DPP6: variants seen among roughly 807,000 people sequenced by gnomAD.
DPP6 encodes dipeptidyl peptidase like 6, also known as A-type potassium channel modulatory protein DPP6.
A neutral mutation model predicts 122.6 loss-of-function variants in DPP6; 69 were observed. The observed-to-expected ratio is 0.56, with a 90% CI of 0.46 to 0.69. The LOEUF (loss-of-function observed/expected upper bound fraction) is 0.69, where lower values mean the gene tolerates loss of function less well. Among genes scored for constraint, DPP6 ranks in the 30% least tolerant of loss-of-function variants. The probability of loss-of-function intolerance (pLI) is 0.00; values close to 1 mark genes in which losing one functional copy is unlikely to be tolerated. For synonymous variants in DPP6, 418 were observed against 433.1 expected (o/e 0.97, Z 0.43); for missense variants, 928 against 1,116.9 (o/e 0.83, Z 2.41).
At chr7:153,874,252 GCACACA>G in the DPP6 span, among the ~76,000 whole-genome samples, 17 of 150,090 alleles carry the variant, frequency 1.1e-4, no homozygotes, top group Admixed American at 2.0e-4. Context: ...GTGCGCACAT[GCACACA>G]CACACACACA....
At chr7:154,557,498 A>G (rs546859904) in intron 4 of DPP6, among the ~76,000 whole-genome samples, 1 of 152,314 alleles carries the variant, frequency 6.6e-6, no homozygotes, top group South Asian at 2.1e-4. Flanking sequence ...GAGCATCTCT[A>G]TTATAACCCA....
intron 10 of DPP6, among the ~76,000 whole-genome samples, chr7:154,792,428 G>T (rs1334222977): frequency 6.6e-6 from 1 of 152,280 alleles, no homozygotes; most frequent in Non-Finnish European, 1.5e-5. Flanking sequence ...CAGAGACGTT[G>T]AATTATATTT....
At chr7:154,482,560 G>A (rs908567374) in intron 3 of DPP6, among the ~76,000 whole-genome samples, 1 of 152,062 alleles carries the variant, frequency 6.6e-6, no homozygotes, top group Non-Finnish European at 1.5e-5. Context: ...AATTTTCATA[G>A]CTCTCCTTCC....
chr7:154,177,611 C>T (rs1456475799), intron 1 of DPP6, among the ~76,000 whole-genome samples: 3 of 152,156 alleles, frequency 2.0e-5, no homozygotes, highest in Non-Finnish European at 4.4e-5. Context: ...GTGATGCTAA[C>T]GATGTCCCCC....
chr7:153,947,613 G>C (rs1802009503), intron 1 of DPP6, among the ~76,000 whole-genome samples: 1 of 152,214 alleles, frequency 6.6e-6, no homozygotes, highest in African/African-American at 2.4e-5. Flanking sequence ...GGACAGTGGG[G>C]ACCCGAAGAG....
Position 154,282,567 on chromosome 7 carries a change from G to A in DPP6, c.244-163647G>A, listed in dbSNP as rs1049858819. On this transcript the variant is annotated intron_variant, in intron 1 of 25. Coordinates refer to ENST00000377770, the MANE Select transcript of DPP6 (RefSeq NM_130797.4). The surrounding 1 kb of genome is among the most constrained non-coding windows in gnomAD (Gnocchi z 4.8). ...TTAGACTCAATGGTGGGAAGGGGAT[G>A]GGATGCAGCCCAGGGCCTCCCTGCC... Among the ~76,000 whole-genome samples, 4 of 152,144 alleles carry A rather than the reference G, an allele frequency of 2.6e-5. No individual in the cohort carries two copies. Among genetic ancestry groups the A allele is most frequent in the Non-Finnish European group, 5.9e-5 (4 of 68,028 alleles).
At chr7:154,857,733 C>T (rs1056864781) in intron 17 of DPP6, among the ~76,000 whole-genome samples, 2 of 152,142 alleles carry the variant, frequency 1.3e-5, no homozygotes, top group African/African-American at 2.4e-5. Flanking sequence ...AGAGCCTCCT[C>T]GTGGCCTCTG....
intron 4 of DPP6, among the ~76,000 whole-genome samples, chr7:154,544,007 A>T (rs796419762): frequency 6.8e-6 from 1 of 147,118 alleles, no homozygotes; most frequent in African/African-American, 2.6e-5. Flanking sequence ...AAAAAAAAAA[A>T]AAAAAAGAGT....
At chr7:154,883,826 T>C (rs1156904361) in intron 21 of DPP6, 1 of 127,722 alleles carries the variant, frequency 7.8e-6, no homozygotes. Context: ...CACAATTACA[T>C]ACACCTGCTC....
chr7:154,184,799 T>C (rs1183808762), intron 1 of DPP6, among the ~76,000 whole-genome samples: 2 of 152,074 alleles, frequency 1.3e-5, no homozygotes, highest in African/African-American at 2.4e-5. Context: ...TTACTAAATG[T>C]TGGGAATCTA....
intron 3 of DPP6, among the ~76,000 whole-genome samples, chr7:154,522,117 C>T (rs1306758179): frequency 3.9e-5 from 6 of 152,114 alleles, no homozygotes; most frequent in Non-Finnish European, 7.3e-5. Context: ...GCACCTGCCA[C>T]CACGCCCGGC....
At chr7:153,988,768 A>G (rs1796974976) in intron 1 of DPP6, among the ~76,000 whole-genome samples, 2 of 152,346 alleles carry the variant, frequency 1.3e-5, no homozygotes, top group Non-Finnish European at 1.5e-5. Flanking sequence ...AGCCTCCAGC[A>G]GTGAGTCGGA....
At chr7:154,185,688 G>T (rs760787807) in intron 1 of DPP6, among the ~76,000 whole-genome samples, 2 of 152,090 alleles carry the variant, frequency 1.3e-5, no homozygotes, top group Admixed American at 6.6e-5. Context: ...ACAATAGATC[G>T]ACAGCTTTTC....
chr7:154,215,338 C>T (rs1799942679), intron 1 of DPP6, among the ~76,000 whole-genome samples: 1 of 152,190 alleles, frequency 6.6e-6, no homozygotes, highest in Non-Finnish European at 1.5e-5. Context: ...CAGGTCCCCT[C>T]CTCCACAGGT....
At chr7:154,315,014 A>G (rs6464403) in intron 1 of DPP6, among the ~76,000 whole-genome samples, 89,564 of 151,692 alleles carry the variant, frequency 0.59, 26,944 homozygotes, top group East Asian at 0.73. Flanking sequence ...CCAGTGCTGG[A>G]TGCATGAGGT....
Position 154,731,660 on chromosome 7 carries a change from T to C in DPP6, c.883+3773T>C, listed in dbSNP as rs575622261. On this transcript the variant is annotated intron_variant, in intron 8 of 25. Coordinates refer to ENST00000377770, the MANE Select transcript of DPP6 (RefSeq NM_130797.4). ...CATGGTGGCCACAAACTGATTTTGATAAGCAAAATGCATATCTTCATTTTA... is the reference window on the plus strand; with the variant it reads ...CATGGTGGCCACAAACTGATTTTGACAAGCAAAATGCATATCTTCATTTTA... 9.8e-5 allele frequency among the ~76,000 whole-genome samples: 15 copies of C among 152,366 alleles called. No individual in the cohort carries two copies. In the South Asian group the frequency reaches 2.9e-3, roughly 29 times the overall value.
chr7:154,586,098 G>A (rs1247938466), intron 5 of DPP6, among the ~76,000 whole-genome samples: 1 of 152,072 alleles, frequency 6.6e-6, no homozygotes, highest in African/African-American at 2.4e-5. Context: ...GCAGGCCAAG[G>A]TGGGGCTGAG....
At chr7:154,111,532 C>T (rs71532632) in intron 1 of DPP6, among the ~76,000 whole-genome samples, 3 of 150,510 alleles carry the variant, frequency 2.0e-5, no homozygotes, top group African/African-American at 7.3e-5. Flanking sequence ...TGATTTATGC[C>T]AATGGTTAAT....
chr7:154,765,685 G>C (rs1795849284), intron 8 of DPP6, among the ~76,000 whole-genome samples: 1 of 152,184 alleles, frequency 6.6e-6, no homozygotes, highest in Non-Finnish European at 1.5e-5. Context: ...GAGAGAAGCA[G>C]CCATTGAACA....
Sources: allele counts gnomAD v4.1 joint callset (sites outside exome capture counted in the v4.1 genomes callset), GRCh38; gene constraint gnomAD v4.1.1; non-coding constraint Gnocchi (gnomAD v3.1); transcripts MANE v1.5; gene names NCBI Gene and HGNC (gene_info 2026-07-23, HGNC 2026-07-21).